The following PRKAA1 variants were observed in gnomAD, a reference collection of about 807,000 sequenced individuals.
PRKAA1 encodes the protein protein kinase AMP-activated catalytic subunit alpha 1.
Under a neutral mutation model 56.9 loss-of-function variants are expected in PRKAA1, and 23 were observed. The observed-to-expected ratio is 0.40, with a 90% confidence interval of 0.29 to 0.57. The LOEUF is 0.57. Among genes scored for constraint, PRKAA1 ranks in the 20% least tolerant of loss-of-function variants. PRKAA1 has a pLI of 0.39. For synonymous variants in PRKAA1, 226 were observed against 227.0 expected (o/e 1.00, Z 0.04); for missense variants, 413 against 679.7 (o/e 0.61, Z 4.36).
chr5:40,791,057 C>T (rs976383665), intron 1 of PRKAA1, among the ~76,000 whole-genome samples: 12 of 152,330 alleles, frequency 7.9e-5, no homozygotes, highest in African/African-American at 2.9e-4. Flanking sequence ...ACTCTCCCCA[C>T]CATCACTGTG....
In PRKAA1 at chr5:40,762,513, C is replaced by T; in HGVS notation, c.*265G>A. Reference sequence around the variant, plus strand: ...CTGTGTACACTAAATATAAAATAGCCAAAAATCAAGTAAGCCTGAGACCTA... The same window carrying T: ...CTGTGTACACTAAATATAAAATAGCTAAAAATCAAGTAAGCCTGAGACCTA... On this transcript the variant is annotated 3_prime_UTR_variant, in exon 9 of 9. Transcript: ENST00000397128. The T allele has an allele frequency of 5.5e-6, 2 of 366,212 alleles. No individual in the cohort carries two copies. Among genetic ancestry groups the T allele is most frequent in the Non-Finnish European group, 1.0e-5 (2 of 200,354 alleles). The allele number at this position is 366,212 out of a possible 1,614,324, so 22.7% of individuals were successfully genotyped here.
intron 1 of PRKAA1, among the ~76,000 whole-genome samples, chr5:40,795,313 A>G (rs1185458478): frequency 6.6e-6 from 1 of 152,166 alleles, no homozygotes; most frequent in Non-Finnish European, 1.5e-5. Flanking sequence ...TGATGGGTGC[A>G]CCAAAATCTC....
intron 5 of PRKAA1, chr5:40,768,502 T>G: frequency 4.2e-6 from 4 of 942,424 alleles, no homozygotes; most frequent in Non-Finnish European, 5.1e-6. Flanking sequence ...TTAAAAATTT[T>G]TTAAATAATT....
At chr5:40,770,403 T>C (rs1743678716) in intron 4 of PRKAA1, among the ~76,000 whole-genome samples, 1 of 137,528 alleles carries the variant, frequency 7.3e-6, no homozygotes, top group Admixed American at 7.3e-5. Flanking sequence ...AAGGCAGAGG[T>C]TGCAGTGAGC....
intron 1 of PRKAA1, among the ~76,000 whole-genome samples, chr5:40,791,070 G>C (rs1744701248): frequency 6.6e-6 from 1 of 152,214 alleles, no homozygotes; most frequent in African/African-American, 2.4e-5. Flanking sequence ...TCACTGTGCA[G>C]TGAGAGGGAC....
chr5:40,766,454 G>A (rs1743439552), intron 6 of PRKAA1, among the ~76,000 whole-genome samples: 1 of 152,078 alleles, frequency 6.6e-6, no homozygotes, highest in Non-Finnish European at 1.5e-5. Context: ...ATCAGAAATG[G>A]CTCACTCTAA....
At position 40,762,789 on chromosome 5, in the gene PRKAA1, G is replaced by T; in HGVS notation, c.1669C>A (p.Leu557Ile). The change falls in exon 9 of 9, where the codon CTT (leucine) becomes ATT (isoleucine). Residue 557 changes from leucine to isoleucine, a missense_variant. Leu to Ile is a conservative substitution (Grantham distance 5, BLOSUM62 2). Coordinates refer to ENST00000397128, the MANE Select transcript of PRKAA1 (RefSeq NM_006251.6). ...GCAAAGTTTTCTGTTTATTGTGCAA[G>T]AATTTTAATTAGATTTGCACACATC... is the stretch of plus-strand genomic sequence containing the variant. ...FEMCANLIKI[L>I]AQ 6.2e-7 allele frequency: 1 copy of T among 1,613,942 alleles called. No individual in the cohort carries two copies. The highest frequency in any genetic ancestry group is 8.5e-7 in the Non-Finnish European group (1 of 1,179,910).
chr5:40,789,267 C>A (rs1487289750), intron 1 of PRKAA1, among the ~76,000 whole-genome samples: 2 of 151,980 alleles, frequency 1.3e-5, no homozygotes, highest in Non-Finnish European at 2.9e-5. Context: ...TGAAAGAATG[C>A]TGAACATCTC....
At chr5:40,785,489 C>A (rs563054819) in intron 1 of PRKAA1, among the ~76,000 whole-genome samples, 4 of 152,146 alleles carry the variant, frequency 2.6e-5, no homozygotes, top group South Asian at 2.1e-4. Context: ...ATCCGCCCCC[C>A]CTCGGCCTCC....
intron 1 of PRKAA1, among the ~76,000 whole-genome samples, chr5:40,794,552 A>C (rs879202959): frequency 4.6e-5 from 6 of 129,142 alleles, no homozygotes; most frequent in African/African-American, 1.6e-4. Flanking sequence ...TAGTCATTAA[A>C]TCCTTGCCTA....
chr5:40,760,903 T>C lies in PRKAA1; in HGVS notation c.*1875A>G, dbSNP rs1229606036. 2 of 152,274 alleles carry C rather than the reference T, an allele frequency of 1.3e-5. No homozygotes were observed. Among genetic ancestry groups the C allele is most frequent in the African/African-American group, 2.4e-5 (1 of 41,446 alleles). 9.4% of individuals were successfully genotyped at this position (152,274 alleles called of 1,614,324 possible). Reference sequence around the variant, plus strand: ...AAAATGATTAATACAAAAAAATCAATTTCTTAAAGTTAACATAAGGCAAAT... The same window carrying C: ...AAAATGATTAATACAAAAAAATCAACTTCTTAAAGTTAACATAAGGCAAAT... On this transcript the variant is annotated 3_prime_UTR_variant, in exon 9 of 9. Transcript: ENST00000397128.
At chr5:40,764,446 GAATC>G (rs1743327305) in intron 8 of PRKAA1, 64 bp downstream of exon 8, 3 of 1,431,000 alleles carry the variant, frequency 2.1e-6, no homozygotes, top group Non-Finnish European at 2.8e-6. Flanking sequence ...AGCCTCAAAA[GAATC>G]AAGGCGTAAA....
At chr5:40,763,868 A>G (rs891580195) in intron 8 of PRKAA1, among the ~76,000 whole-genome samples, 3 of 152,216 alleles carry the variant, frequency 2.0e-5, no homozygotes, top group African/African-American at 7.2e-5. Flanking sequence ...ATAAAGAAGA[A>G]AAAAATTCAA....
intron 6 of PRKAA1, among the ~76,000 whole-genome samples, chr5:40,766,021 C>CT (rs1485700788): frequency 6.6e-6 from 1 of 151,520 alleles, no homozygotes; most frequent in African/African-American, 2.4e-5. Flanking sequence ...ATTCTCTTCT[C>CT]TATTGTTGGT....
intron 1 of PRKAA1, among the ~76,000 whole-genome samples, chr5:40,781,111 T>G (rs1456151526): frequency 6.6e-6 from 1 of 152,226 alleles, no homozygotes; most frequent in Non-Finnish European, 1.5e-5. Flanking sequence ...CCCCAGGTGT[T>G]GGCTTTCAGC....
At chr5:40,786,416 T>C (rs553209161) in intron 1 of PRKAA1, among the ~76,000 whole-genome samples, 1 of 152,198 alleles carries the variant, frequency 6.6e-6, no homozygotes, top group South Asian at 2.1e-4. Flanking sequence ...ATTGAGTCTG[T>C]GGCATTGTTA....
chr5:40,793,975 G>A (rs1471358156), intron 1 of PRKAA1, among the ~76,000 whole-genome samples: 6 of 152,058 alleles, frequency 3.9e-5, no homozygotes, highest in Non-Finnish European at 7.4e-5. Flanking sequence ...GGTGGCACAC[G>A]TCTGTAATCC....
chr5:40,762,751 G>A lies in PRKAA1; in HGVS notation c.*27C>T. 1 of 1,609,410 alleles carries A rather than the reference G, an allele frequency of 6.2e-7. No homozygotes were observed. Among genetic ancestry groups the A allele is most frequent in the Non-Finnish European group, 8.5e-7 (1 of 1,176,880 alleles). Reference sequence around the variant, plus strand: ...TGACTTATTATGCATGCTTATTGCTGCAAAAGAAATAAGCAAAGTTTTCTG... The same window carrying A: ...TGACTTATTATGCATGCTTATTGCTACAAAAGAAATAAGCAAAGTTTTCTG... On this transcript the variant is annotated 3_prime_UTR_variant, in exon 9 of 9. Transcript: ENST00000397128.
Position 40,790,799 on chromosome 5 carries a change from A to G in PRKAA1, c.127+7264T>C, listed in dbSNP as rs1405444940. ...GTGATCTGCCCGCCTTAGCCTCCCAAAAGTGCTGGGATTACAGGCGTGAGC... is the reference window on the plus strand; with the variant it reads ...GTGATCTGCCCGCCTTAGCCTCCCAGAAGTGCTGGGATTACAGGCGTGAGC... On this transcript the variant is annotated intron_variant, in intron 1 of 8. Coordinates refer to ENST00000397128, the MANE Select transcript of PRKAA1 (RefSeq NM_006251.6). Among the ~76,000 whole-genome samples, 3 of 152,024 alleles carry G rather than the reference A, an allele frequency of 2.0e-5. No homozygotes were observed. The East Asian group carries it at 5.8e-4, about 29-fold the overall frequency.
Sources: allele counts gnomAD v4.1 joint callset (sites outside exome capture counted in the v4.1 genomes callset), GRCh38; gene constraint gnomAD v4.1.1; transcripts MANE v1.5; gene names NCBI Gene and HGNC (gene_info 2026-07-23, HGNC 2026-07-21).